KLRF1: variants seen among roughly 807,000 people sequenced by gnomAD.
KLRF1 encodes the protein killer cell lectin-like receptor subfamily F member 1.
KLRF1 carries 27 observed loss-of-function variants against 30.7 expected under a neutral mutation model. The observed-to-expected ratio is 0.88, with a 90% CI of 0.65 to 1.21. The LOEUF (loss-of-function observed/expected upper bound fraction) is 1.21, where lower values mean the gene tolerates loss of function less well. Among genes scored for constraint, KLRF1 ranks in the 50% most tolerant of loss-of-function variants. KLRF1 has a pLI of 0.00. For missense variants in KLRF1, 246 were observed against 259.3 expected (o/e 0.95, Z 0.35); for synonymous variants, 92 against 89.3 (o/e 1.03, Z -0.17).
chr12:9,811,743 G>A, the KLRF1 span, among the ~76,000 whole-genome samples: 6 of 152,164 alleles, frequency 3.9e-5, no homozygotes, highest in Admixed American at 2.6e-4. Context: ...GGGAAAATCC[G>A]AAAGTTCACT....
intron 1 of KLRF1, among the ~76,000 whole-genome samples, chr12:9,828,283 G>T (rs1867327987): frequency 6.6e-6 from 1 of 152,068 alleles, no homozygotes; most frequent in Non-Finnish European, 1.5e-5. Context: ...GTTTTACCAT[G>T]TTGGCCAGGC....
At chr12:9,815,089 G>T in the KLRF1 span, among the ~76,000 whole-genome samples, 1 of 152,010 alleles carries the variant, frequency 6.6e-6, no homozygotes, top group African/African-American at 2.4e-5. Context: ...ATCAAAATAT[G>T]ACATGTACCT....
Position 9,842,266 on chromosome 12 carries a change from G to A in KLRF1, c.475-55G>A, listed in dbSNP as rs1336049920. 4 of 1,590,296 alleles carry A rather than the reference G, an allele frequency of 2.5e-6. No individual in the cohort carries two copies. The South Asian group carries it at 4.5e-5, about 18-fold the overall frequency. On this transcript the variant is annotated intron_variant, in intron 4 of 5. Transcript: ENST00000617889. ...TTTGCAATAACATTTAAAATATTCAGTGTGTCTGAATTGCTAAAATATTTT... is the reference window on the plus strand; with the variant it reads ...TTTGCAATAACATTTAAAATATTCAATGTGTCTGAATTGCTAAAATATTTT...
chr12:9,808,723 TC>T, the KLRF1 span, among the ~76,000 whole-genome samples: 1 of 152,120 alleles, frequency 6.6e-6, no homozygotes, highest in African/African-American at 2.4e-5. Flanking sequence ...GTTAGCTAAG[TC>T]TTAGTAAATA....
chr12:9,805,388 C>T, the KLRF1 span, among the ~76,000 whole-genome samples: 1 of 151,794 alleles, frequency 6.6e-6, no homozygotes, highest in African/African-American at 2.4e-5. Context: ...CCCAAAGGAC[C>T]CAAGCTAATT....
the KLRF1 span, among the ~76,000 whole-genome samples, chr12:9,819,090 C>A: frequency 6.6e-6 from 1 of 152,258 alleles, no homozygotes. Context: ...TCTTTGCAAC[C>A]CTTGGGTCAG....
chr12:9,819,459 G>A, the KLRF1 span, among the ~76,000 whole-genome samples: 1 of 152,210 alleles, frequency 6.6e-6, no homozygotes, highest in Non-Finnish European at 1.5e-5. Flanking sequence ...CTTAGCCATT[G>A]TTGCCAAAAT....
chr12:9,825,304 T>C (rs886850457), upstream of KLRF1, among the ~76,000 whole-genome samples: 1 of 143,914 alleles, frequency 6.9e-6, no homozygotes, highest in African/African-American at 2.6e-5. Context: ...TGGAACACAA[T>C]GGTCTAATGC....
chr12:9,833,966 C>T (rs1867511687), intron 3 of KLRF1, among the ~76,000 whole-genome samples: 1 of 123,784 alleles, frequency 8.1e-6, no homozygotes, highest in South Asian at 2.7e-4. Context: ...TGCAGGCGGG[C>T]TGAGTCCGAA....
the KLRF1 span, among the ~76,000 whole-genome samples, chr12:9,805,366 G>C: frequency 6.6e-6 from 1 of 151,968 alleles, no homozygotes; most frequent in African/African-American, 2.4e-5. Context: ...AAGGGCAAGA[G>C]GGATGGAAGG....
intron 1 of KLRF1, among the ~76,000 whole-genome samples, chr12:9,828,084 AT>A (rs60102859): frequency 0.079 from 11,576 of 146,166 alleles, 461 homozygotes; most frequent in Middle Eastern, 0.088. Flanking sequence ...TTTTAATGCT[AT>A]TTTTTTTTTT....
At chr12:9,824,583 C>T (rs1591749411), upstream of KLRF1, among the ~76,000 whole-genome samples, 1 of 152,130 alleles carries the variant, frequency 6.6e-6, no homozygotes, top group East Asian at 1.9e-4. Context: ...CTCAACATTC[C>T]TATTCAACAT....
chr12:9,817,929 C>A, the KLRF1 span: 1 of 204,676 alleles, frequency 4.9e-6, no homozygotes, highest in Middle Eastern at 5.1e-4. Flanking sequence ...GCAGCCTCAT[C>A]CAGCTCTTCT....
intron 3 of KLRF1, among the ~76,000 whole-genome samples, chr12:9,833,900 A>AC (rs1491140259): frequency 4.1e-5 from 5 of 120,768 alleles, no homozygotes; most frequent in African/African-American, 2.0e-4. Flanking sequence ...TAAATGTTTA[A>AC]CTTTTTTTTT....
At chr12:9,835,173 G>A (rs771604249) in intron 3 of KLRF1, among the ~76,000 whole-genome samples, 5 of 152,218 alleles carry the variant, frequency 3.3e-5, no homozygotes, top group South Asian at 4.2e-4. Context: ...ATTGAATTTT[G>A]GGAGTAAGGA....
the KLRF1 span, among the ~76,000 whole-genome samples, chr12:9,819,052 A>C: frequency 6.6e-6 from 1 of 152,166 alleles, no homozygotes; most frequent in African/African-American, 2.4e-5. Context: ...GTGACTGAGC[A>C]CCTGGGGGAG....
chr12:9,822,880 A>G (rs1012298579), upstream of KLRF1, among the ~76,000 whole-genome samples: 1 of 152,228 alleles, frequency 6.6e-6, no homozygotes, highest in African/African-American at 2.4e-5. Context: ...AAAGAAGGAC[A>G]TTACATAATA....
intron 4 of KLRF1, 158 bp from the exon 5 acceptor site, chr12:9,842,163 G>T (rs1867716910): frequency 1.2e-6 from 1 of 814,690 alleles, no homozygotes; most frequent in Non-Finnish European, 1.9e-6. Flanking sequence ...GTGTGTGTGT[G>T]TAACATATAT....
intron 1 of KLRF1, among the ~76,000 whole-genome samples, chr12:9,830,152 T>C (rs1867378168): frequency 6.6e-6 from 1 of 152,314 alleles, no homozygotes; most frequent in East Asian, 1.9e-4. Flanking sequence ...CTGTCTAGTT[T>C]TCTTTTTGTT....
Sources: allele counts gnomAD v4.1 joint callset (sites outside exome capture counted in the v4.1 genomes callset), GRCh38; gene constraint gnomAD v4.1.1; transcripts MANE v1.5; gene names NCBI Gene and HGNC (gene_info 2026-07-23, HGNC 2026-07-21).